FOXN3: variants seen among roughly 807,000 people sequenced by gnomAD.
The protein encoded by FOXN3 is forkhead box N3.
A neutral mutation model predicts 38.4 loss-of-function variants in FOXN3; 7 were observed. That is an observed-to-expected ratio of 0.18 (90% CI 0.10 to 0.34). The LOEUF is 0.34. Among genes scored for constraint, FOXN3 ranks in the 10% least tolerant of loss-of-function variants. The pLI is 1.00. For synonymous variants in FOXN3, 230 were observed against 242.2 expected (o/e 0.95, Z 0.47); for missense variants, 456 against 613.4 (o/e 0.74, Z 2.71).
At chr14:89,407,235 T>C (rs983133049) in intron 2 of FOXN3, among the ~76,000 whole-genome samples, 1 of 152,156 alleles carries the variant, frequency 6.6e-6, no homozygotes, top group East Asian at 1.9e-4. Context: ...AAGTACTCTA[T>C]AGTGTAAGCC....
At chr14:89,348,582 C>A (rs1416640599) in intron 3 of FOXN3, among the ~76,000 whole-genome samples, 2 of 152,184 alleles carry the variant, frequency 1.3e-5, no homozygotes, top group African/African-American at 4.8e-5. Flanking sequence ...AGAATCTCAT[C>A]TGTCATCTCC....
intron 4 of FOXN3, among the ~76,000 whole-genome samples, chr14:89,264,987 GA>G (rs1384116948): frequency 6.6e-6 from 1 of 152,116 alleles, no homozygotes; most frequent in Non-Finnish European, 1.5e-5. Flanking sequence ...GATGTTCAAA[GA>G]GCATGATATT....
chr14:89,543,014 G>A (rs1348542309), intron 1 of FOXN3, among the ~76,000 whole-genome samples: 2 of 149,434 alleles, frequency 1.3e-5, no homozygotes, highest in African/African-American at 5.0e-5. Context: ...AATCCTGCCG[G>A]TGAAGTATTT....
chr14:89,499,049 A>G (rs1893744593), intron 1 of FOXN3, among the ~76,000 whole-genome samples: 1 of 152,172 alleles, frequency 6.6e-6, no homozygotes, highest in Admixed American at 6.5e-5. Context: ...AAGCCACAGC[A>G]GTGTAGGAGT....
rs532754171 is a variant in FOXN3 at position 89,484,853 on chromosome 14, A to C, written c.-14-72363T>G. ...CTCAGTAGCACCTTTAAGACCCAGGACAGGCCAGGTGTGGTAGCTCATGCC... is the reference window on the plus strand; with the variant it reads ...CTCAGTAGCACCTTTAAGACCCAGGCCAGGCCAGGTGTGGTAGCTCATGCC... On this transcript the variant is annotated intron_variant, in intron 1 of 6. Transcript: ENST00000345097. This position sits in a 1 kb window ranked among gnomAD's most constrained non-coding sequence, Gnocchi z 4.0. Among the ~76,000 whole-genome samples the C allele has an allele frequency of 1.3e-5, 2 of 152,278 alleles. No homozygotes were observed. The highest frequency in any genetic ancestry group is 3.9e-4 in the East Asian group (2 of 5,180).
Position 89,226,028 on chromosome 14 carries a change from A to G in FOXN3, c.746-45222T>C, listed in dbSNP as rs922306442. ...CCCTGACCAATTTTAAATGAAGAAT[A>G]AGAGCAGCTTTATTTCTAAAATTAA... On this transcript the variant is annotated intron_variant, in intron 4 of 5. Coordinates refer to ENST00000557258, the MANE Select transcript of FOXN3 (RefSeq NM_005197.4). Among the ~76,000 whole-genome samples, 3 of 150,640 alleles carry G rather than the reference A, an allele frequency of 2.0e-5. No individual in the cohort carries two copies. The Admixed American group carries it at 2.0e-4, about 10-fold the overall frequency.
At chr14:89,339,259 C>T (rs563101488) in intron 3 of FOXN3, among the ~76,000 whole-genome samples, 3 of 152,280 alleles carry the variant, frequency 2.0e-5, no homozygotes, top group Admixed American at 6.5e-5. Context: ...CAGGTGTGAG[C>T]CACCACGCCC....
chr14:89,421,120 A>G (rs1596265944), upstream of FOXN3, among the ~76,000 whole-genome samples: 1 of 147,590 alleles, frequency 6.8e-6, no homozygotes, highest in Admixed American at 6.8e-5. Context: ...TGCTTCTTTC[A>G]TACTTGTCCA....
chr14:89,617,410 G>T (rs1896514390), intron 1 of FOXN3, among the ~76,000 whole-genome samples: 4 of 152,246 alleles, frequency 2.6e-5, no homozygotes, highest in Admixed American at 2.6e-4. Flanking sequence ...TAGTGTGCAG[G>T]CTGATTTTGA....
rs368675267 is a variant in FOXN3, at chr14:89,520,171, G to A, written c.-15+98857C>T. Among the ~76,000 whole-genome samples the A allele has an allele frequency of 1.3e-4, 19 of 150,924 alleles. No individual in the cohort carries two copies. In the South Asian group the frequency reaches 1.3e-3, roughly 10 times the overall value. On this transcript the variant is annotated intron_variant, in intron 1 of 6. Coordinates refer to the FOXN3 transcript ENST00000345097. ...TGGGACTACCGCCGTGTACCTCGAC[G>A]TCCAGTGACATTTTGAACTTTTGTA... is the stretch of plus-strand genomic sequence containing the variant.
chr14:89,450,655 G>A (rs1171236736), intron 1 of FOXN3, among the ~76,000 whole-genome samples: 4 of 151,514 alleles, frequency 2.6e-5, no homozygotes, highest in Admixed American at 6.6e-5. Context: ...GCACAATCTC[G>A]GCTCACTGTA....
At chr14:89,501,082 G>A (rs1020602389) in intron 1 of FOXN3, among the ~76,000 whole-genome samples, 4 of 152,078 alleles carry the variant, frequency 2.6e-5, no homozygotes, top group African/African-American at 9.7e-5. Flanking sequence ...CTGGAGGATG[G>A]GACACAGATA....
intron 1 of FOXN3, among the ~76,000 whole-genome samples, chr14:89,523,789 G>GTC (rs1894370042): frequency 6.6e-6 from 1 of 151,654 alleles, no homozygotes; most frequent in Non-Finnish European, 1.5e-5. Flanking sequence ...TTGAGACAGA[G>GTC]TCTCGCTCTG....
At chr14:89,376,563 C>T (rs75477165) in intron 2 of FOXN3, among the ~76,000 whole-genome samples, 3,699 of 152,256 alleles carry the variant, frequency 0.024, 154 homozygotes, top group African/African-American at 0.085. Flanking sequence ...AGTATCTCTC[C>T]GTAGGCTATG....
At chr14:89,407,501 C>T (rs911531373) in intron 2 of FOXN3, among the ~76,000 whole-genome samples, 1 of 152,094 alleles carries the variant, frequency 6.6e-6, no homozygotes, top group Non-Finnish European at 1.5e-5. Context: ...TTATGTATAC[C>T]GAAATGTTTG....
chr14:89,488,426 G>A (rs1179097540), intron 1 of FOXN3, among the ~76,000 whole-genome samples: 2 of 151,836 alleles, frequency 1.3e-5, no homozygotes, highest in Non-Finnish European at 2.9e-5. Flanking sequence ...TGGGCACATC[G>A]CTTGAGCCCA....
At position 89,618,731 on chromosome 14, in the gene FOXN3, T is replaced by TA. The variant is rs983237772; in HGVS notation, c.-15+296dup. ...AAATATCCATTTGTCTGCAATTTTT[T>TA]AAAAAAAATTTTAAAAAGCGACTAT... On this transcript the variant is annotated intron_variant, in intron 1 of 6. Transcript: ENST00000345097. Among the ~76,000 whole-genome samples, 54 of 151,622 alleles carry TA rather than the reference T, an allele frequency of 3.6e-4. No homozygotes were observed. The East Asian group carries it at 5.6e-3, about 16-fold the overall frequency.
At chr14:89,270,743 T>C (rs551675836) in intron 4 of FOXN3, among the ~76,000 whole-genome samples, 10 of 152,276 alleles carry the variant, frequency 6.6e-5, no homozygotes, top group African/African-American at 2.2e-4. Flanking sequence ...TCAATCCTCA[T>C]AGTAATCTTG....
chr14:89,506,437 G>A (rs1308735872), intron 1 of FOXN3, among the ~76,000 whole-genome samples: 1 of 139,452 alleles, frequency 7.2e-6, no homozygotes, highest in Non-Finnish European at 1.6e-5. Context: ...CAGCTGCCCC[G>A]ACCGGGAGGG....
Sources: allele counts gnomAD v4.1 joint callset (sites outside exome capture counted in the v4.1 genomes callset), GRCh38; gene constraint gnomAD v4.1.1; non-coding constraint Gnocchi (gnomAD v3.1); transcripts MANE v1.5; gene names NCBI Gene and HGNC (gene_info 2026-07-23, HGNC 2026-07-21).